The following GRK2 variants were observed in gnomAD, a reference collection of about 807,000 sequenced individuals.
GRK2 encodes G protein-coupled receptor kinase 2.
A neutral mutation model predicts 97.8 loss-of-function variants in GRK2; 23 were observed. That is an observed-to-expected ratio of 0.24 (90% CI 0.17 to 0.33). The LOEUF (loss-of-function observed/expected upper bound fraction) is 0.33. Ranked by LOEUF, GRK2 falls within the 10% of genes least tolerant of loss-of-function variation. The pLI, the probability that GRK2 is intolerant of heterozygous loss-of-function variation, is 1.00. For synonymous variants in GRK2, 425 were observed against 381.7 expected, an observed-to-expected ratio of 1.11 and a Z score of -1.32; for missense variants, 633 against 956.9, an observed-to-expected ratio of 0.66 and a Z score of 4.47.
chr11:67,272,955 A>G (rs1259242359), intron 1 of GRK2, among the ~76,000 whole-genome samples: 1 of 152,182 alleles, frequency 6.6e-6, no homozygotes, highest in Non-Finnish European at 1.5e-5. Flanking sequence ...TCTAGCATGG[A>G]CTGTCGGTGA....
chr11:67,283,253 T>A (rs1860194592), intron 15 of GRK2, 25 bp downstream of exon 15: 2 of 1,590,740 alleles, frequency 1.3e-6, no homozygotes, highest in South Asian at 2.2e-5. Flanking sequence ...GCCTTGGGCA[T>A]GCTGCTGGCT....
chr11:67,274,300 C>T (rs988129566), intron 1 of GRK2, among the ~76,000 whole-genome samples: 3 of 151,758 alleles, frequency 2.0e-5, no homozygotes, highest in Non-Finnish European at 4.4e-5. Flanking sequence ...CGTGAGCCAC[C>T]GCGTCCCGCC....
chr11:67,284,676 C>A, intron 18 of GRK2, 171 bp from the exon 19 acceptor site: 2 of 939,052 alleles, frequency 2.1e-6, no homozygotes, highest in Non-Finnish European at 3.1e-6. Context: ...GTACTCCCAG[C>A]TACCCGGGAG....
At chr11:67,284,509 G>A in intron 18 of GRK2, 136 bp downstream of exon 18, 1 of 1,068,122 alleles carries the variant, frequency 9.4e-7, no homozygotes, top group South Asian at 1.5e-5. Context: ...CTGGGGCCGG[G>A]CATGGTGGCT....
rs1860280132 is a variant in GRK2 at position 67,286,284 on chromosome 11, G to T, written c.*834G>T. 1.6e-6 allele frequency: 1 copy of T among 635,560 alleles called. No homozygotes were observed. The highest frequency in any genetic ancestry group is 2.8e-5 in the Admixed American group (1 of 35,618). The allele number at this position is 635,560 out of a possible 1,614,324, so 39.4% of individuals were successfully genotyped here. A position where few individuals can be genotyped will look rare whatever the true frequency, so the allele number is the denominator to read the frequency against. On this transcript the variant is annotated 3_prime_UTR_variant, in exon 21 of 21. Transcript: ENST00000308595. ...AGGAGGCTGGCTGGGGCCTATCAGT[G>T]TGCCCCCCATCCTGGCCCATCAGTG...
intron 7 of GRK2, 47 bp downstream of exon 7, chr11:67,280,830 C>G (rs759096293): frequency 1.4e-5 from 23 of 1,605,244 alleles, no homozygotes; most frequent in Non-Finnish European, 1.9e-5. Context: ...CCCTGCTGCT[C>G]CTCTCCCGGG....
Position 67,266,723 on chromosome 11 carries a change from G to A in GRK2, c.24G>A (p.Leu8=). Residue 8 remains leucine (L), a synonymous_variant, in exon 1 of 21, where the codon CTG becomes CTA. Transcript: ENST00000308595. MADLEAV[L]ADVSYLMAME... Reference sequence around the variant, plus strand: ...AGATGGCGGACCTGGAGGCGGTGCTGGCCGACGTGAGCTACCTGATGGCCA... The same window carrying A: ...AGATGGCGGACCTGGAGGCGGTGCTAGCCGACGTGAGCTACCTGATGGCCA... The A allele has an allele frequency of 7.6e-7, 1 of 1,323,824 alleles. No homozygotes were observed. Among genetic ancestry groups the A allele is most frequent in the Non-Finnish European group, 9.8e-7 (1 of 1,025,148 alleles). The allele number at this position is 1,323,824 out of a possible 1,614,324, so 82.0% of individuals were successfully genotyped here. A position where few individuals can be genotyped will look rare whatever the true frequency, so the allele number is the denominator to read the frequency against.
Position 67,285,275 on chromosome 11 carries a change from G to C in GRK2, c.1906-11G>C, listed in dbSNP as rs1860251553. The C allele has an allele frequency of 7.5e-6, 12 of 1,608,908 alleles. No individual in the cohort carries two copies. The highest frequency in any genetic ancestry group is 1.0e-5 in the Non-Finnish European group (12 of 1,177,766). On this transcript the variant is annotated splice_polypyrimidine_tract_variant and intron_variant, in intron 20 of 20. Transcript: ENST00000308595. ...AGCCCCAGCTGACAGAGCTGGGCTT[G>C]GCATGTGCAGAGCGACCCTGAGCTG...
In GRK2 at chr11:67,279,904, A is replaced by G. The variant is rs1463153771; in HGVS notation, c.503+4A>G. 6.2e-7 allele frequency: 1 copy of G among 1,613,690 alleles called. No homozygotes were observed. The highest frequency in any genetic ancestry group is 2.2e-5 in the East Asian group (1 of 44,882). On this transcript the variant is annotated splice_donor_region_variant and intron_variant, in intron 6 of 20. Transcript: ENST00000308595. ...TGTTCCAGAAATTCATTGAGAGGTG[A>G]GAGCAGGGAAGTGTGGGAGAGGAAG...
At position 67,282,798 on chromosome 11, in the gene GRK2, G is replaced by A. The variant is rs367821561; in HGVS notation, c.1207G>A (p.Asp403Asn). 1 of 1,610,174 alleles carries A rather than the reference G, an allele frequency of 6.2e-7. No homozygotes were observed. The highest frequency in any genetic ancestry group is 8.5e-7 in the Non-Finnish European group (1 of 1,179,804). The change falls in exon 14 of 21, where the codon GAC becomes AAC. Residue 403 changes from aspartate to asparagine, a missense_variant. Asp to Asn is a conservative substitution (Grantham distance 23). Transcript: ENST00000308595. The surrounding 1 kb of genome is among the most constrained non-coding windows in gnomAD (Gnocchi z 6.9). Reference protein sequence around the residue: ...QHKTKDKHEIDRMTLTMAVEL... With the variant: ...QHKTKDKHEINRMTLTMAVEL... The stretch of plus-strand genomic sequence containing the variant: ...CAAGACCAAAGACAAGCATGAGATC[G>A]ACCGCATGACGCTGACGATGGTGGG...
chr11:67,284,147 G>A (rs1860219766), intron 17 of GRK2, 64 bp from the exon 18 acceptor site: 2 of 1,598,824 alleles, frequency 1.3e-6, no homozygotes, highest in African/African-American at 1.3e-5. Context: ...TGGGCAGCCT[G>A]TGGCTGATGG....
intron 1 of GRK2, 108 bp from the exon 2 acceptor site, chr11:67,277,164 C>A: frequency 9.5e-7 from 1 of 1,056,598 alleles, no homozygotes; most frequent in Non-Finnish European, 1.4e-6. Flanking sequence ...TGGCCTCCTT[C>A]CTGGAGGGAG....
chr11:67,273,276 G>A (rs866451905), intron 1 of GRK2, among the ~76,000 whole-genome samples: 1 of 152,250 alleles, frequency 6.6e-6, no homozygotes, highest in African/African-American at 2.4e-5. Flanking sequence ...GGGAACCTTA[G>A]CGTCCTTCCA....
chr11:67,280,622 C>A, intron 6 of GRK2, 110 bp from the exon 7 acceptor site: 2 of 1,255,356 alleles, frequency 1.6e-6, no homozygotes, highest in Non-Finnish European at 2.3e-6. Context: ...GATGTTTCCA[C>A]ACCTACCCTC....
intron 3 of GRK2, 31 bp downstream of exon 3, chr11:67,279,304 C>T (rs1291273328): frequency 6.2e-7 from 1 of 1,611,946 alleles, no homozygotes; most frequent in South Asian, 1.1e-5. Flanking sequence ...CCCTGCTCTG[C>T]CTGGAGAAAG....
At chr11:67,278,602 C>T (rs974349689) in intron 2 of GRK2, among the ~76,000 whole-genome samples, 7 of 152,194 alleles carry the variant, frequency 4.6e-5, no homozygotes, top group Non-Finnish European at 1.0e-4. Flanking sequence ...TCCCTGAGCC[C>T]TAGTTTCCCC....
chr11:67,285,888 T>C lies in GRK2; in HGVS notation c.*438T>C. The C allele has an allele frequency of 4.3e-6, 1 of 230,718 alleles. No homozygotes were observed. Among genetic ancestry groups the C allele is most frequent in the Non-Finnish European group, 8.6e-6 (1 of 116,590 alleles). The allele number at this position is 230,718 out of a possible 1,614,324, so 14.3% of individuals were successfully genotyped here. ...CCTCCTGCTGCAGAGGGGCAGGCCC[T>C]GCACTGTCCTGCTCCACAGTGTTGG... is the stretch of plus-strand genomic sequence containing the variant. On this transcript the variant is annotated 3_prime_UTR_variant, in exon 21 of 21. Transcript: ENST00000308595.
In GRK2 at chr11:67,279,206, T is replaced by C. The variant is rs769702786; in HGVS notation, c.197T>C (p.Leu66Pro). 9.3e-6 allele frequency: 15 copies of C among 1,613,110 alleles called. No individual in the cohort carries two copies. The highest frequency in any genetic ancestry group is 1.3e-5 in the Non-Finnish European group (15 of 1,179,822). ...CTTACACTGTTGCCTTCAGGGTACC[T>C]GCTCTTCCGAGACTTCTGCCTGAAC... ...EKIFSQKLGYLLFRDFCLNHL... is the reference protein window; with the variant it reads ...EKIFSQKLGYPLFRDFCLNHL... Residue 66 changes from leucine to proline, a missense_variant, in exon 3 of 21, where the codon CTG (leucine) becomes CCG (proline). Transcript: ENST00000308595.
intron 1 of GRK2, chr11:67,271,114 C>T (rs939682059): frequency 6.6e-6 from 1 of 152,264 alleles, no homozygotes. Flanking sequence ...ACAGTGGGAA[C>T]CAAAAGCACA....
Sources: gnomAD v4.1 joint callset for allele counts (sites outside exome capture counted in the v4.1 genomes callset) on GRCh38, gnomAD v4.1.1 for gene constraint, Gnocchi (gnomAD v3.1) non-coding constraint, MANE v1.5 for transcripts, NCBI Gene and HGNC (gene_info 2026-07-23, HGNC 2026-07-21) for gene names.